SDK1: variants seen among roughly 807,000 people sequenced by gnomAD.
SDK1 encodes the protein protein sidekick-1.
In SDK1, 157 loss-of-function variants were observed where a neutral mutation model predicts 245.5. That is an observed-to-expected ratio of 0.64 (90% confidence interval 0.56 to 0.73). The LOEUF (loss-of-function observed/expected upper bound fraction) is 0.73, where lower values mean the gene tolerates loss of function less well. Ranked by LOEUF, SDK1 falls within the 30% of genes least tolerant of loss-of-function variation. SDK1 has a pLI of 0.00. For synonymous variants in SDK1, 1,647 were observed against 1,278.5 expected, an observed-to-expected ratio of 1.29 and a Z score of -6.15; for missense variants, 3,583 against 3,002.3, an observed-to-expected ratio of 1.19 and a Z score of -4.52.
chr7:3,829,596 G>A (rs902530918), intron 5 of SDK1, among the ~76,000 whole-genome samples: 8 of 152,142 alleles, frequency 5.3e-5, no homozygotes, highest in African/African-American at 1.9e-4. Context: ...TCCAATGAAA[G>A]CAGAACAACA....
At chr7:3,569,260 C>T (rs982396997) in intron 1 of SDK1, among the ~76,000 whole-genome samples, 6 of 152,078 alleles carry the variant, frequency 3.9e-5, no homozygotes, top group Non-Finnish European at 7.4e-5. Flanking sequence ...AAACGAGAAC[C>T]AGAAGTAAGG....
In SDK1 at chr7:3,951,724, C is replaced by A. The variant is rs751327405; in HGVS notation, c.960-6C>A. 4 of 1,612,156 alleles carry A rather than the reference C, an allele frequency of 2.5e-6. No homozygotes were observed. Among genetic ancestry groups the A allele is most frequent in the Non-Finnish European group, 3.4e-6 (4 of 1,179,654 alleles). On this transcript the variant is annotated splice_region_variant and splice_polypyrimidine_tract_variant and intron_variant, in intron 6 of 44. Transcript: ENST00000404826. ...TCGTCGTCATGAATGCCTTTCATTC[C>A]CACAGGCCTGTGGAGGACCTGAGTG... is the stretch of plus-strand genomic sequence containing the variant.
chr7:3,735,469 G>A (rs1779293251), intron 4 of SDK1, among the ~76,000 whole-genome samples: 1 of 152,134 alleles, frequency 6.6e-6, no homozygotes, highest in Non-Finnish European at 1.5e-5. Flanking sequence ...TGTCTCCAAG[G>A]TTCACACATG....
At chr7:4,019,170 C>A (rs914937275) in intron 17 of SDK1, among the ~76,000 whole-genome samples, 2 of 152,186 alleles carry the variant, frequency 1.3e-5, no homozygotes, top group African/African-American at 4.8e-5. Context: ...AGCCCAGACC[C>A]TTCCTCAAAG....
intron 19 of SDK1, among the ~76,000 whole-genome samples, chr7:4,052,864 G>A (rs1383815633): frequency 2.0e-5 from 3 of 152,036 alleles, no homozygotes; most frequent in African/African-American, 7.2e-5. Flanking sequence ...TGAGGCAGTT[G>A]GATCACGAGG....
intron 1 of SDK1, among the ~76,000 whole-genome samples, chr7:3,570,135 A>G (rs1318151154): frequency 6.6e-6 from 1 of 152,124 alleles, no homozygotes. Context: ...CTTGGACTGC[A>G]TGTTTCCTGG....
At chr7:4,232,713 G>A (rs1043458258) in intron 40 of SDK1, among the ~76,000 whole-genome samples, 7 of 151,944 alleles carry the variant, frequency 4.6e-5, no homozygotes, top group Admixed American at 2.0e-4. Context: ...TCCTGTAACC[G>A]CAGCCTCTCA....
At chr7:4,079,189 A>G (rs754110482) in intron 21 of SDK1, among the ~76,000 whole-genome samples, 7 of 152,216 alleles carry the variant, frequency 4.6e-5, no homozygotes, top group Non-Finnish European at 5.9e-5. Context: ...TGCGTAAGAC[A>G]TGACGTGTGC....
Position 4,017,292 on chromosome 7 carries a change from T to C in SDK1, c.2542T>C (p.Tyr848His). 2 of 1,613,922 alleles carry C rather than the reference T, an allele frequency of 1.2e-6. No homozygotes were observed. The highest frequency in any genetic ancestry group is 1.7e-6 in the Non-Finnish European group (2 of 1,179,922). The change falls in exon 17 of 45, where the codon TAC (tyrosine) becomes CAC (histidine). Residue 848 changes from tyrosine to histidine, a missense_variant. By Grantham distance (83) the Tyr-to-His change is moderately conservative. Transcript: ENST00000404826. Reference protein sequence around the residue: ...WTQYEIQVAAYNGAGLGVFSR... With the variant: ...WTQYEIQVAAHNGAGLGVFSR... Reference sequence around the variant, plus strand: ...ACAGTATGAGATACAGGTGGCGGCGTACAACGGGGCCGGTCTGGGCGTCTT... The same window carrying C: ...ACAGTATGAGATACAGGTGGCGGCGCACAACGGGGCCGGTCTGGGCGTCTT...
chr7:3,821,969 A>G (rs1239640434), intron 5 of SDK1, among the ~76,000 whole-genome samples: 1 of 152,220 alleles, frequency 6.6e-6, no homozygotes, highest in African/African-American at 2.4e-5. Flanking sequence ...CTAACAGGAA[A>G]ATCTTTGAGA....
intron 1 of SDK1, among the ~76,000 whole-genome samples, chr7:3,368,280 G>A (rs1285818771): frequency 6.6e-6 from 1 of 152,204 alleles, no homozygotes; most frequent in Non-Finnish European, 1.5e-5. Flanking sequence ...CCGTTCCCCA[G>A]ACAGAATCTG....
Position 4,220,120 on chromosome 7 carries a change from G to T in SDK1, c.5551G>T (p.Val1851Leu), listed in dbSNP as rs1785057181. 3 of 1,613,972 alleles carry T rather than the reference G, an allele frequency of 1.9e-6. No individual in the cohort carries two copies. The highest frequency in any genetic ancestry group is 1.1e-5 in the South Asian group (1 of 91,070). Residue 1851 changes from valine (V) to leucine (L), a missense_variant, in exon 39 of 45, where the codon GTG becomes TTG. Coordinates refer to ENST00000404826, the MANE Select transcript of SDK1 (RefSeq NM_152744.4). ...PLAPVQGVSK[V>L]VTVEVRGNWQ... ...TCTGGCGGCTGCAGGGGTGAGCAAG[G>T]TGGTGACCGTGGAAGTGAGAGGGAA...
At chr7:3,936,102 T>TG in intron 5 of SDK1, among the ~76,000 whole-genome samples, 1 of 152,276 alleles carries the variant, frequency 6.6e-6, no homozygotes, top group East Asian at 1.9e-4. Flanking sequence ...CAATGAACCT[T>TG]GGGGATGTTA....
At chr7:3,686,899 C>T (rs1784299356) in intron 4 of SDK1, among the ~76,000 whole-genome samples, 1 of 152,034 alleles carries the variant, frequency 6.6e-6, no homozygotes, top group Non-Finnish European at 1.5e-5. Flanking sequence ...GGTGCCTGGC[C>T]CTGGAGCAAC....
intron 1 of SDK1, among the ~76,000 whole-genome samples, chr7:3,387,529 C>G (rs1488765517): frequency 6.6e-6 from 1 of 152,170 alleles, no homozygotes; most frequent in Non-Finnish European, 1.5e-5. Flanking sequence ...GCTGCATATG[C>G]CAATCACAGT....
At chr7:4,197,819 A>C (rs1433017025) in intron 35 of SDK1, among the ~76,000 whole-genome samples, 4 of 152,196 alleles carry the variant, frequency 2.6e-5, no homozygotes, top group Non-Finnish European at 5.9e-5. Context: ...GACTGTAAGA[A>C]TCTCAGGGAG....
At chr7:4,175,729 G>T in intron 33 of SDK1, 46 bp from the exon 34 acceptor site, 1 of 1,519,228 alleles carries the variant, frequency 6.6e-7, no homozygotes, top group South Asian at 1.1e-5. Flanking sequence ...TGCGATGGCC[G>T]TGTCCCTGCG....
intron 26 of SDK1, among the ~76,000 whole-genome samples, chr7:4,129,401 C>T (rs1784637561): frequency 1.9e-5 from 2 of 107,194 alleles, no homozygotes; most frequent in South Asian, 5.9e-4. Flanking sequence ...GGTGGGGTGC[C>T]CTGGAGGACA....
rs73672098 is a variant in SDK1, at chr7:3,339,074, C to G, written c.298+37190C>G. On this transcript the variant is annotated intron_variant, in intron 1 of 44. Transcript: ENST00000404826. ...TGTTGTTCAAGAAATTCTCTTAAAC[C>G]AATGACACAGGTAGGTTGAAAGTAA... Among the ~76,000 whole-genome samples the G allele has an allele frequency of 5.4e-3, 826 of 152,058 alleles. 6 individuals are homozygous for G. The highest frequency in any genetic ancestry group is 0.019 in the African/African-American group (788 of 41,472).
Sources: gnomAD v4.1 joint callset for allele counts (sites outside exome capture counted in the v4.1 genomes callset) on GRCh38, gnomAD v4.1.1 for gene constraint, MANE v1.5 for transcripts, NCBI Gene and HGNC (gene_info 2026-07-23, HGNC 2026-07-21) for gene names.